Variants in MBD5 observed in about 807,000 individuals in gnomAD.
MBD5 encodes methyl-CpG binding domain protein 5.
MBD5 carries 13 observed loss-of-function variants against 117.3 expected under a neutral mutation model. The ratio of observed to expected loss-of-function variants is 0.11; its 90% CI spans 0.07 to 0.18. The LOEUF (loss-of-function observed/expected upper bound fraction) is 0.18. Ranked by LOEUF, MBD5 falls within the 10% of genes least tolerant of loss-of-function variation. MBD5 has a pLI of 1.00. For missense variants in MBD5, 1,879 were observed against 2,093.8 expected, an observed-to-expected ratio of 0.90 and a Z score of 2.00; for synonymous variants, 727 against 766.4, an observed-to-expected ratio of 0.95 and a Z score of 0.85.
chr2:148,228,093 G>A (rs898023725), intron 2 of MBD5, among the ~76,000 whole-genome samples: 64 of 152,152 alleles, frequency 4.2e-4, no homozygotes, highest in African/African-American at 1.3e-3. Flanking sequence ...CTAATTGAAT[G>A]CCCTTTATTT....
intron 4 of MBD5, among the ~76,000 whole-genome samples, chr2:148,388,231 G>C (rs1704440755): frequency 2.0e-5 from 3 of 152,154 alleles, no homozygotes; most frequent in Admixed American, 6.5e-5. Context: ...GAATGCAATT[G>C]AAAAATATGT....
intron 1 of MBD5, among the ~76,000 whole-genome samples, chr2:148,096,814 C>T (rs1187687640): frequency 6.6e-6 from 1 of 152,004 alleles, no homozygotes; most frequent in Admixed American, 6.6e-5. Context: ...AAATATAATA[C>T]ATATTATCAA....
At chr2:148,365,868 T>C (rs1377011052) in intron 4 of MBD5, among the ~76,000 whole-genome samples, 4 of 149,622 alleles carry the variant, frequency 2.7e-5, no homozygotes, top group Non-Finnish European at 4.4e-5. Flanking sequence ...CCAGACCAGA[T>C]GGATGCCCAG....
chr2:148,409,818 T>C (rs1376090597), intron 4 of MBD5, among the ~76,000 whole-genome samples: 2 of 152,180 alleles, frequency 1.3e-5, no homozygotes, highest in Non-Finnish European at 2.9e-5. Context: ...ACTCAACATG[T>C]TCTTTGACTC....
Position 148,470,003 on chromosome 2 carries a change from T to C in MBD5, c.2060T>C (p.Leu687Ser), listed in dbSNP as rs770615895. ...SSAVPKPGPDLLRKQGQGSFP... is the reference protein window; with the variant it reads ...SSAVPKPGPDSLRKQGQGSFP... ...GCAGTTCCTAAACCTGGACCTGACT[T>C]GCTAAGGAAGCAGGGTCAGGGTTCA... Residue 687 changes from leucine to serine, a missense_variant, in exon 8 of 14, where the codon TTG (leucine) becomes TCG (serine). Leu to Ser is a moderately radical substitution (Grantham distance 145). Coordinates refer to ENST00000642680, the MANE Select transcript of MBD5 (RefSeq NM_001378120.1). 6.2e-7 allele frequency: 1 copy of C among 1,613,700 alleles called. No homozygotes were observed. The highest frequency in any genetic ancestry group is 1.3e-5 in the African/African-American group (1 of 74,912).
At chr2:148,167,207 T>A (rs1428925676) in intron 1 of MBD5, among the ~76,000 whole-genome samples, 2 of 152,172 alleles carry the variant, frequency 1.3e-5, no homozygotes, top group Non-Finnish European at 2.9e-5. Context: ...CCGATTAAAA[T>A]GGTATTTATT....
chr2:148,335,673 C>T (rs1422990544), intron 3 of MBD5, among the ~76,000 whole-genome samples: 4 of 151,934 alleles, frequency 2.6e-5, no homozygotes, highest in Non-Finnish European at 5.9e-5. Context: ...GAGCCATGAT[C>T]GCACCACTGC....
At chr2:148,447,071 AAAAG>A (rs1553516283) in intron 4 of MBD5, among the ~76,000 whole-genome samples, 9 of 150,138 alleles carry the variant, frequency 6.0e-5, no homozygotes, top group African/African-American at 1.0e-4. Context: ...GAAAGAAAGA[AAAAG>A]AAAGAAACAA....
At chr2:148,382,307 AG>A in intron 4 of MBD5, among the ~76,000 whole-genome samples, 1 of 152,324 alleles carries the variant, frequency 6.6e-6, no homozygotes, top group African/African-American at 2.4e-5. Flanking sequence ...TTGCAATCCT[AG>A]TCTCGGATAA....
chr2:148,194,982 T>C (rs1458258559), intron 2 of MBD5, among the ~76,000 whole-genome samples: 2 of 152,152 alleles, frequency 1.3e-5, no homozygotes, highest in African/African-American at 2.4e-5. Flanking sequence ...AAGGACACAT[T>C]ATAACTATTT....
intron 3 of MBD5, among the ~76,000 whole-genome samples, chr2:148,281,788 G>T (rs1317747989): frequency 6.6e-6 from 1 of 151,954 alleles, no homozygotes; most frequent in Non-Finnish European, 1.5e-5. Flanking sequence ...TGTCTTCCTG[G>T]TTTTATATAA....
intron 13 of MBD5, among the ~76,000 whole-genome samples, chr2:148,510,473 A>T (rs1437363546): frequency 1.3e-5 from 2 of 152,202 alleles, no homozygotes; most frequent in Non-Finnish European, 2.9e-5. Context: ...TATATGTAGT[A>T]ATGCAAACTT....
At chr2:148,040,950 T>A (rs1467886463) in intron 1 of MBD5, among the ~76,000 whole-genome samples, 1 of 151,940 alleles carries the variant, frequency 6.6e-6, no homozygotes, top group African/African-American at 2.4e-5. Flanking sequence ...GTGATATGCT[T>A]TTGTGGAGTT....
At chr2:148,199,497 G>T (rs775880387) in intron 2 of MBD5, among the ~76,000 whole-genome samples, 1 of 152,104 alleles carries the variant, frequency 6.6e-6, no homozygotes, top group African/African-American at 2.4e-5. Context: ...GGCCAGGCAC[G>T]GTGGCTCATG....
At chr2:148,445,754 C>G (rs1302927879) in intron 4 of MBD5, among the ~76,000 whole-genome samples, 1 of 151,392 alleles carries the variant, frequency 6.6e-6, no homozygotes, top group Non-Finnish European at 1.5e-5. Context: ...GTCCCACCAA[C>G]AGTGTAAAAG....
intron 4 of MBD5, among the ~76,000 whole-genome samples, chr2:148,433,267 G>C (rs147197192): frequency 6.6e-6 from 1 of 151,980 alleles, no homozygotes; most frequent in South Asian, 2.1e-4. Context: ...GAGACTATGG[G>C]GTTTTCTAGA....
chr2:148,468,550 T>G lies in MBD5; in HGVS notation c.607T>G (p.Leu203Val). ...ELHPVYPRQR[L>V]GSSEHGQKSP... ...CCACCCTGTCTACCCCCGACAGAGA[T>G]TGGGCAGCAGTGAACATGGACAGAA... Residue 203 changes from leucine to valine, a missense_variant, in exon 8 of 14, where the codon TTG (leucine) becomes GTG (valine). Coordinates refer to ENST00000642680, the MANE Select transcript of MBD5 (RefSeq NM_001378120.1). 6.2e-7 allele frequency: 1 copy of G among 1,613,868 alleles called. No individual in the cohort carries two copies. Among genetic ancestry groups the G allele is most frequent in the Non-Finnish European group, 8.5e-7 (1 of 1,179,868 alleles).
At chr2:148,223,199 T>C (rs2106084062) in intron 2 of MBD5, among the ~76,000 whole-genome samples, 1 of 152,298 alleles carries the variant, frequency 6.6e-6, no homozygotes, top group African/African-American at 2.4e-5. Context: ...TGCATCACTA[T>C]TCATCAGAAA....
chr2:148,499,138 T>A (rs1210884484), intron 11 of MBD5, among the ~76,000 whole-genome samples: 1 of 151,532 alleles, frequency 6.6e-6, no homozygotes, highest in Non-Finnish European at 1.5e-5. Flanking sequence ...TACAAAAAAA[T>A]AAAAAATAAA....
Sources: gnomAD v4.1 joint callset for allele counts (sites outside exome capture counted in the v4.1 genomes callset) on GRCh38, gnomAD v4.1.1 for gene constraint, MANE v1.5 for transcripts, NCBI Gene and HGNC (gene_info 2026-07-23, HGNC 2026-07-21) for gene names.